BARD1: variants seen among roughly 807,000 people sequenced by gnomAD.
BARD1 encodes BRCA1-associated RING domain protein 1.
A neutral mutation model predicts 77.0 loss-of-function variants in BARD1; 73 were observed. That is an observed-to-expected ratio of 0.95 (90% CI 0.79 to 1.15). The LOEUF (loss-of-function observed/expected upper bound fraction) is 1.15. BARD1 is among the 50% of genes most tolerant of loss of function. The pLI is 0.00. For missense variants in BARD1, 993 were observed against 938.8 expected, an observed-to-expected ratio of 1.06 and a Z score of -0.75; for synonymous variants, 384 against 338.0, an observed-to-expected ratio of 1.14 and a Z score of -1.49.
At chr2:214,757,589 T>G (rs774573750) in intron 6 of BARD1, among the ~76,000 whole-genome samples, 36 of 152,222 alleles carry the variant, frequency 2.4e-4, no homozygotes, top group Non-Finnish European at 1.0e-4. Context: ...AATAATCGTT[T>G]ATTTATTTAA....
intron 4 of BARD1, among the ~76,000 whole-genome samples, chr2:214,779,749 T>C (rs1694892681): frequency 6.6e-6 from 1 of 152,178 alleles, no homozygotes; most frequent in South Asian, 2.1e-4. Flanking sequence ...ATTTCCTGGG[T>C]GAATTGACTA....
At chr2:214,759,227 A>G (rs1693835512) in intron 6 of BARD1, among the ~76,000 whole-genome samples, 1 of 152,176 alleles carries the variant, frequency 6.6e-6, no homozygotes, top group Non-Finnish European at 1.5e-5. Context: ...TCAGAATTCA[A>G]CATCCTTCCA....
chr2:214,771,596 T>C (rs13430113), intron 4 of BARD1, among the ~76,000 whole-genome samples: 21,015 of 151,512 alleles, frequency 0.14, 1,544 homozygotes, highest in African/African-American at 0.19. Flanking sequence ...GGCATGGTGG[T>C]ACACGCCTGT....
intron 6 of BARD1, among the ~76,000 whole-genome samples, chr2:214,758,171 G>A (rs541171406): frequency 2.6e-5 from 4 of 152,256 alleles, no homozygotes; most frequent in East Asian, 3.9e-4. Flanking sequence ...TGGGGTTACC[G>A]AATAAGACTG....
chr2:214,757,242 A>T (rs1048364605), intron 6 of BARD1, among the ~76,000 whole-genome samples: 2 of 150,946 alleles, frequency 1.3e-5, no homozygotes, highest in Admixed American at 6.6e-5. Flanking sequence ...AAAGGCTCTA[A>T]TTTTTTTTCT....
chr2:214,745,193 G>C lies in BARD1; in HGVS notation c.1811-34C>G, dbSNP rs777500014. Reference sequence around the variant, plus strand: ...CAAAAAAAGCAGTAAGAGAAAGAAAGATACAAGCCAAAGTATTTCTTTGGC... The same window carrying C: ...CAAAAAAAGCAGTAAGAGAAAGAAACATACAAGCCAAAGTATTTCTTTGGC... On this transcript the variant is annotated intron_variant, in intron 8 of 10. Transcript: ENST00000260947. 18 of 1,559,958 alleles carry C rather than the reference G, an allele frequency of 1.2e-5. 1 individual carries two copies. The South Asian group carries it at 1.8e-4, about 15-fold the overall frequency.
intron 6 of BARD1, among the ~76,000 whole-genome samples, chr2:214,766,877 A>G (rs1288521638): frequency 1.3e-5 from 2 of 152,064 alleles, no homozygotes; most frequent in African/African-American, 2.4e-5. Flanking sequence ...TTATATAGGT[A>G]AACTTGTGTA....
chr2:214,774,079 C>G (rs145854936), intron 4 of BARD1, among the ~76,000 whole-genome samples: 1 of 152,338 alleles, frequency 6.6e-6, no homozygotes, highest in East Asian at 1.9e-4. Context: ...GAAGTTTGAT[C>G]ATGAGGCTGC....
chr2:214,728,363 C>A lies in BARD1; in HGVS notation c.*313G>T, dbSNP rs866181555. ...TTAAAAGACTCAAACAGTAATGATA[C>A]CACTTGTCTATTTAACCAAGATTCT... On this transcript the variant is annotated 3_prime_UTR_variant, in exon 11 of 11. Transcript: ENST00000260947. The A allele has an allele frequency of 8.8e-5, 30 of 339,078 alleles. 1 individual carries two copies. The South Asian group carries it at 1.0e-3, about 11-fold the overall frequency. The allele number at this position is 339,078 out of a possible 1,614,324, so 21.0% of individuals were successfully genotyped here.
At chr2:214,775,985 T>C (rs935568109) in intron 4 of BARD1, among the ~76,000 whole-genome samples, 4 of 152,224 alleles carry the variant, frequency 2.6e-5, no homozygotes, top group Admixed American at 6.5e-5. Context: ...AGTTAAACTC[T>C]AAATGAGACT....
chr2:214,762,985 AAGG>A lies in BARD1; in HGVS notation c.1568+4494_1568+4496del, dbSNP rs201793373. 9.7e-3 allele frequency among the ~76,000 whole-genome samples: 1,457 copies of A among 149,660 alleles called. 22 individuals carry two copies. Among genetic ancestry groups the A allele is most frequent in the African/African-American group, 0.033 (1,356 of 40,576 alleles). ...TTAACTGAGTTCCCTCCCCAGTGTG[AAGG>A]AGGAGGTTTTCAACTTAAAATCAGC... On this transcript the variant is annotated intron_variant, in intron 6 of 10. Coordinates refer to ENST00000260947, the MANE Select transcript of BARD1 (RefSeq NM_000465.4).
intron 5 of BARD1, 76 bp downstream of exon 5, chr2:214,769,156 T>A: frequency 8.0e-7 from 1 of 1,242,412 alleles, no homozygotes; most frequent in Non-Finnish European, 1.2e-6. Context: ...GAGGATGATA[T>A]ATAGACAACT....
chr2:214,759,234 T>G (rs1693835716), intron 6 of BARD1, among the ~76,000 whole-genome samples: 1 of 152,090 alleles, frequency 6.6e-6, no homozygotes, highest in African/African-American at 2.4e-5. Flanking sequence ...TCAACATCCT[T>G]CCAAGGAAAA....
At chr2:214,763,567 T>G (rs1032642211) in intron 6 of BARD1, among the ~76,000 whole-genome samples, 4 of 152,152 alleles carry the variant, frequency 2.6e-5, no homozygotes, top group African/African-American at 9.7e-5. Context: ...AAAAAGGACT[T>G]TACTTCTTCA....
At chr2:214,738,154 C>T (rs562380419) in intron 9 of BARD1, among the ~76,000 whole-genome samples, 49 of 152,178 alleles carry the variant, frequency 3.2e-4, no homozygotes, top group Non-Finnish European at 6.5e-4. Flanking sequence ...TTCATATGTT[C>T]CTTTATAGTT....
At chr2:214,738,600 T>C (rs1692669807) in intron 9 of BARD1, among the ~76,000 whole-genome samples, 1 of 152,166 alleles carries the variant, frequency 6.6e-6, no homozygotes, top group African/African-American at 2.4e-5. Context: ...GTCATGGTTT[T>C]ATATTAAGCT....
At chr2:214,773,350 A>C (rs538563528) in intron 4 of BARD1, among the ~76,000 whole-genome samples, 39 of 152,342 alleles carry the variant, frequency 2.6e-4, no homozygotes, top group Middle Eastern at 6.8e-3. Context: ...CCAGGAACCA[A>C]AGACTTCCCT....
At chr2:214,732,044 T>C (rs1199461891) in intron 9 of BARD1, among the ~76,000 whole-genome samples, 1 of 152,206 alleles carries the variant, frequency 6.6e-6, no homozygotes, top group Non-Finnish European at 1.5e-5. Flanking sequence ...TGGCTTAAAA[T>C]GATCAGAAAA....
Position 214,805,674 on chromosome 2 carries a change from T to C in BARD1, c.158+3738A>G, listed in dbSNP as rs187844838. 5.6e-4 allele frequency among the ~76,000 whole-genome samples: 85 copies of C among 150,814 alleles called. 1 individual carries two copies. Among genetic ancestry groups the C allele is most frequent in the Admixed American group, 3.0e-3 (46 of 15,172 alleles). The stretch of plus-strand genomic sequence containing the variant: ...AGGATTTGAACCCAGGGAATCTAAC[T>C]CCAGATTCCACACATTTAACATCTA... On this transcript the variant is annotated intron_variant, in intron 1 of 10. Transcript: ENST00000260947.
Sources: gnomAD v4.1 joint callset for allele counts (sites outside exome capture counted in the v4.1 genomes callset) on GRCh38, gnomAD v4.1.1 for gene constraint, MANE v1.5 for transcripts, NCBI Gene and HGNC (gene_info 2026-07-23, HGNC 2026-07-21) for gene names.